CPM: variants seen among roughly 807,000 people sequenced by gnomAD.
CPM encodes renal carboxypeptidase.
A neutral mutation model predicts 46.4 loss-of-function variants in CPM; 35 were observed. That is an observed-to-expected ratio of 0.75 (90% CI 0.58 to 1.00). CPM has a LOEUF of 1.00. Ranked by LOEUF, CPM falls within the 50% of genes least tolerant of loss-of-function variation. The pLI is 0.00. For missense variants in CPM, 422 were observed against 530.4 expected (o/e 0.80, Z 2.01); for synonymous variants, 195 against 195.3 (o/e 1.00, Z 0.01).
At chr12:68,913,994 CAAAG>C (rs1409585742) in intron 2 of CPM, 2 of 719,512 alleles carry the variant, frequency 2.8e-6, no homozygotes, top group East Asian at 5.1e-5. Flanking sequence ...ATATTATTAT[CAAAG>C]AAAACCTCAA....
At chr12:68,941,318 G>A (rs1182265381) in intron 1 of CPM, among the ~76,000 whole-genome samples, 2 of 151,934 alleles carry the variant, frequency 1.3e-5, no homozygotes, top group Non-Finnish European at 1.5e-5. Context: ...TCAAATGGTC[G>A]CTCAGAAATA....
At position 68,855,058 on chromosome 12, in the gene CPM, CCAT is replaced by C. The variant is rs1884902856; in HGVS notation, c.*1376_*1378del. Reference sequence around the variant, plus strand: ...TTTTTTTAGTAGAGATGGGGTTTCACCATGTTGGCCAGGCTGGTCTTGAGCTCC... The same window carrying C: ...TTTTTTTAGTAGAGATGGGGTTTCACGTTGGCCAGGCTGGTCTTGAGCTCC... On this transcript the variant is annotated 3_prime_UTR_variant, in exon 9 of 9. Transcript: ENST00000551568. 1.3e-5 allele frequency: 2 copies of C among 151,598 alleles called. No individual in the cohort carries two copies. The highest frequency in any genetic ancestry group is 1.3e-4 in the Admixed American group (2 of 15,206). The allele number at this position is 151,598 out of a possible 1,614,324, so 9.4% of individuals were successfully genotyped here.
At chr12:68,866,735 G>T in intron 7 of CPM, 161 bp downstream of exon 7, 1 of 633,384 alleles carries the variant, frequency 1.6e-6, no homozygotes, top group South Asian at 2.0e-5. Context: ...CTCACACACT[G>T]CAGATACTCA....
upstream of CPM, among the ~76,000 whole-genome samples, chr12:68,936,927 C>A (rs1888682654): frequency 6.6e-6 from 1 of 152,074 alleles, no homozygotes; most frequent in Admixed American, 6.5e-5. Flanking sequence ...ACACAAATAG[C>A]TAATAAATAT....
chr12:68,915,752 T>C (rs1257211585), intron 2 of CPM, among the ~76,000 whole-genome samples: 1 of 152,232 alleles, frequency 6.6e-6, no homozygotes, highest in African/African-American at 2.4e-5. Context: ...AGGAACTCAA[T>C]GAATATTTGT....
rs552856584 is a variant in CPM at position 68,852,942 on chromosome 12, G to GAATT, written c.*3491_*3494dup. The GAATT allele has an allele frequency of 6.9e-4, 105 of 152,236 alleles. No individual in the cohort carries two copies. The highest frequency in any genetic ancestry group is 2.4e-3 in the African/African-American group (98 of 41,528). 9.4% of individuals were successfully genotyped at this position (152,236 alleles called of 1,614,324 possible). On this transcript the variant is annotated 3_prime_UTR_variant, in exon 9 of 9. Coordinates refer to ENST00000551568, the MANE Select transcript of CPM (RefSeq NM_198320.5). ...TATCAGGTTGGTTTCTCTATAAAAG[G>GAATT]AATTATAGCTGAACTAGAGCTGGAG... is the stretch of plus-strand genomic sequence containing the variant.
intron 2 of CPM, among the ~76,000 whole-genome samples, chr12:68,904,192 T>C (rs1887241062): frequency 6.6e-6 from 1 of 152,192 alleles, no homozygotes; most frequent in Non-Finnish European, 1.5e-5. Flanking sequence ...TCAGGTCTCT[T>C]GAAAGGAATC....
chr12:68,910,610 T>A lies in CPM; in HGVS notation c.160+22068A>T, dbSNP rs553142564. Among the ~76,000 whole-genome samples the A allele has an allele frequency of 2.6e-5, 4 of 152,298 alleles. No homozygotes were observed. In the East Asian group the frequency reaches 7.7e-4, roughly 29 times the overall value. ...TTTGCATACTATACAATCCACTCAGTTTAAGTATACAAGTCACTAGTTTCT... is the reference window on the plus strand; with the variant it reads ...TTTGCATACTATACAATCCACTCAGATTAAGTATACAAGTCACTAGTTTCT... On this transcript the variant is annotated intron_variant, in intron 2 of 8. Coordinates refer to ENST00000551568, the MANE Select transcript of CPM (RefSeq NM_198320.5).
upstream of CPM, among the ~76,000 whole-genome samples, chr12:68,935,157 G>A (rs1298437418): frequency 6.6e-6 from 1 of 152,126 alleles, no homozygotes; most frequent in Non-Finnish European, 1.5e-5. Context: ...CGATCTGCCT[G>A]CCTCGGCCTC....
intron 1 of CPM, among the ~76,000 whole-genome samples, chr12:68,956,807 T>C (rs772327570): frequency 7.9e-5 from 12 of 152,088 alleles, no homozygotes; most frequent in African/African-American, 2.2e-4. Flanking sequence ...ATTTTACTTA[T>C]GGATAGACAT....
rs118024112 is a variant in CPM, at chr12:68,876,216, A to G, written c.259-4260T>C. On this transcript the variant is annotated intron_variant, in intron 3 of 8. Transcript: ENST00000551568. ...GTCCACAACAAATCACAAGTTCTCA[A>G]TTGCAAGGGTAAATAAAAATCTTGA... 1.6e-3 allele frequency among the ~76,000 whole-genome samples: 248 copies of G among 152,330 alleles called. 6 individuals are homozygous for G. In the East Asian group the frequency reaches 0.045, roughly 27 times the overall value.
chr12:68,849,028 T>A (rs1884516782), downstream of CPM: 1 of 151,592 alleles, frequency 6.6e-6, no homozygotes. Context: ...AAGCATTTTT[T>A]AACCACAAGG....
chr12:68,943,849 C>T (rs1231956891), intron 1 of CPM, among the ~76,000 whole-genome samples: 2 of 150,966 alleles, frequency 1.3e-5, no homozygotes, highest in South Asian at 2.1e-4. Flanking sequence ...TTTCAAATGT[C>T]GAGAAAACCA....
Position 68,858,637 on chromosome 12 carries a change from C to T in CPM, c.1089+286G>A, listed in dbSNP as rs551057797. Among the ~76,000 whole-genome samples the T allele has an allele frequency of 8.6e-5, 13 of 151,888 alleles. No homozygotes were observed. In the East Asian group the frequency reaches 2.1e-3, roughly 25 times the overall value. ...ACATTGCTTATTCTTTATTATTAAT[C>T]GGGTTACATTTTAATCATAAAAGAT... On this transcript the variant is annotated intron_variant, in intron 8 of 8. Transcript: ENST00000551568.
chr12:68,860,542 G>A (rs1183900467), intron 7 of CPM, among the ~76,000 whole-genome samples: 1 of 151,966 alleles, frequency 6.6e-6, no homozygotes, highest in African/African-American at 2.4e-5. Flanking sequence ...CAATCCACCT[G>A]CCTAAGCTTC....
At chr12:68,904,954 G>A (rs1352871470) in intron 2 of CPM, among the ~76,000 whole-genome samples, 2 of 152,176 alleles carry the variant, frequency 1.3e-5, no homozygotes, top group Admixed American at 6.5e-5. Flanking sequence ...TGTCGCTCAC[G>A]CTGGAGTGCA....
rs1565796929 is a variant in CPM, at chr12:68,918,645, C to CCAAT, written c.160+14032_160+14033insATTG. Among the ~76,000 whole-genome samples the CCAAT allele has an allele frequency of 1.7e-3, 237 of 140,166 alleles. 3 individuals are homozygous for CCAAT. Among genetic ancestry groups the CCAAT allele is most frequent in the African/African-American group, 6.4e-3 (213 of 33,306 alleles). The allele number at this position is 140,166 out of a possible 152,430, so 92.0% of individuals were successfully genotyped here. On this transcript the variant is annotated intron_variant, in intron 2 of 8. Coordinates refer to ENST00000551568, the MANE Select transcript of CPM (RefSeq NM_198320.5). ...TCCAATCCAATCCAATCCAATCCAA[C>CCAAT]CCAACCCAACCCAACCCATTAGCAA...
intron 2 of CPM, among the ~76,000 whole-genome samples, chr12:68,896,256 TCCTGATCCTTCTGCTCAG>T (rs1592671961): frequency 6.6e-6 from 1 of 152,144 alleles, no homozygotes; most frequent in African/African-American, 2.4e-5. Context: ...TCCAACACCT[TCCTGATCCTTCTGCTCAG>T]CCCCATCCCC....
intron 2 of CPM, among the ~76,000 whole-genome samples, chr12:68,931,056 T>C (rs1888478876): frequency 6.6e-6 from 1 of 152,194 alleles, no homozygotes; most frequent in African/African-American, 2.4e-5. Flanking sequence ...CAAGATATGA[T>C]TTCTCACACA....
Sources: allele counts gnomAD v4.1 joint callset (sites outside exome capture counted in the v4.1 genomes callset), GRCh38; gene constraint gnomAD v4.1.1; transcripts MANE v1.5; gene names NCBI Gene and HGNC (gene_info 2026-07-23, HGNC 2026-07-21).